The following TRHDE variants were observed in gnomAD, a reference collection of about 807,000 sequenced individuals.
TRHDE encodes thyrotropin releasing hormone degrading enzyme.
Under a neutral mutation model 125.7 loss-of-function variants are expected in TRHDE, and 72 were observed. The observed-to-expected ratio is 0.57, with a 90% CI of 0.47 to 0.70. The LOEUF (loss-of-function observed/expected upper bound fraction) is 0.70. TRHDE is among the 30% of genes least tolerant of loss of function. TRHDE has a pLI of 0.00. For missense variants in TRHDE, 1,110 were observed against 1,327.1 expected, an observed-to-expected ratio of 0.84 and a Z score of 2.54; for synonymous variants, 509 against 509.1, an observed-to-expected ratio of 1.00 and a Z score of 0.00.
At chr12:72,653,453 T>C (rs1200452787) in intron 17 of TRHDE, among the ~76,000 whole-genome samples, 5 of 152,120 alleles carry the variant, frequency 3.3e-5, no homozygotes, top group African/African-American at 1.2e-4. Context: ...AGACACTGTA[T>C]CATAAAACCC....
chr12:72,109,685 G>A (rs1331639147), intron 2 of TRHDE, among the ~76,000 whole-genome samples: 2 of 151,986 alleles, frequency 1.3e-5, no homozygotes, highest in Non-Finnish European at 1.5e-5. Flanking sequence ...TCATTTCTAG[G>A]GGAGATATTT....
rs368711689 is a variant in TRHDE, at chr12:72,668,280, T to A, written c.*5085T>A. On this transcript the variant is annotated 3_prime_UTR_variant, in exon 19 of 19. Transcript: ENST00000261180. ...GTTTAGGTAAGGAAAGTTTTTAAAC[T>A]GTCTTAAATATTTAATAAAAGCAGT... is the stretch of plus-strand genomic sequence containing the variant. 2.6e-5 allele frequency: 4 copies of A among 151,798 alleles called. No individual in the cohort carries two copies. The East Asian group carries it at 5.8e-4, about 22-fold the overall frequency. 9.4% of individuals were successfully genotyped at this position (151,798 alleles called of 1,614,324 possible). A position where few individuals can be genotyped will look rare whatever the true frequency, so the allele number is the denominator to read the frequency against.
At chr12:72,128,950 A>G (rs575811641) in intron 2 of TRHDE, among the ~76,000 whole-genome samples, 1 of 152,328 alleles carries the variant, frequency 6.6e-6, no homozygotes, top group East Asian at 1.9e-4. Flanking sequence ...AACGCTAGTG[A>G]AAGAAAGAGG....
At chr12:72,087,773 T>C (rs995292829) in intron 1 of TRHDE, among the ~76,000 whole-genome samples, 1 of 151,868 alleles carries the variant, frequency 6.6e-6, no homozygotes, top group Non-Finnish European at 1.5e-5. Flanking sequence ...AAAGACAATA[T>C]GAAAAAAATA....
chr12:72,170,045 C>T (rs1566263276), intron 2 of TRHDE, among the ~76,000 whole-genome samples: 3 of 152,088 alleles, frequency 2.0e-5, no homozygotes, highest in Admixed American at 6.6e-5. Flanking sequence ...TAAATAGGAA[C>T]GGTATGGGCT....
chr12:72,100,832 C>G (rs1211719409), intron 1 of TRHDE, among the ~76,000 whole-genome samples: 1 of 152,122 alleles, frequency 6.6e-6, no homozygotes, highest in Non-Finnish European at 1.5e-5. Flanking sequence ...ACATATATGA[C>G]AGGGTTATGT....
chr12:72,514,706 A>G (rs1878755639), intron 6 of TRHDE, among the ~76,000 whole-genome samples: 2 of 151,556 alleles, frequency 1.3e-5, no homozygotes, highest in South Asian at 4.2e-4. Context: ...TTACACATGT[A>G]TACATGTGCC....
chr12:72,172,624 A>T (rs1034293117), intron 2 of TRHDE, among the ~76,000 whole-genome samples: 3 of 152,180 alleles, frequency 2.0e-5, no homozygotes, highest in Admixed American at 2.0e-4. Flanking sequence ...GGTGGGAAAT[A>T]TCAAAGAAGG....
At chr12:72,386,080 C>T (rs756320141) in intron 3 of TRHDE, among the ~76,000 whole-genome samples, 3 of 152,164 alleles carry the variant, frequency 2.0e-5, no homozygotes, top group Admixed American at 6.5e-5. Flanking sequence ...TATTATTTTG[C>T]TAGCTTGACA....
chr12:72,197,795 T>C (rs1431147168), intron 2 of TRHDE, among the ~76,000 whole-genome samples: 2 of 152,110 alleles, frequency 1.3e-5, no homozygotes, highest in Non-Finnish European at 2.9e-5. Context: ...GGATTAATAA[T>C]TACCTCCTCA....
Position 72,575,389 on chromosome 12 carries a change from G to A in TRHDE, c.2265+1G>A. On this transcript the variant is annotated splice_donor_variant, in intron 11 of 18. Coordinates refer to ENST00000261180, the MANE Select transcript of TRHDE (RefSeq NM_013381.3). LOFTEE classifies it high-confidence loss of function. ...TGATCAATTAATCCGGAATCATGAG[G>A]TACACTCCAGATTTGCTTATCAAAG... is the stretch of plus-strand genomic sequence containing the variant. The A allele has an allele frequency of 1.2e-6, 2 of 1,613,502 alleles. No individual in the cohort carries two copies. The highest frequency in any genetic ancestry group is 8.5e-7 in the Non-Finnish European group (1 of 1,179,684).
At chr12:72,539,768 T>C (rs1869050003) in intron 6 of TRHDE, among the ~76,000 whole-genome samples, 1 of 151,894 alleles carries the variant, frequency 6.6e-6, no homozygotes, top group South Asian at 2.1e-4. Context: ...GATATCCTAA[T>C]ATATCCTTGA....
chr12:72,448,584 C>T (rs1175414846), intron 3 of TRHDE, among the ~76,000 whole-genome samples: 1 of 151,874 alleles, frequency 6.6e-6, no homozygotes, highest in African/African-American at 2.4e-5. Context: ...ATTCATTTGA[C>T]TATTTTAGAA....
chr12:72,561,956 TA>T (rs1870198424), intron 7 of TRHDE, among the ~76,000 whole-genome samples: 1 of 152,186 alleles, frequency 6.6e-6, no homozygotes, highest in Non-Finnish European at 1.5e-5. Flanking sequence ...AAATGATTTT[TA>T]AGAGATTAAT....
At chr12:72,409,367 A>T (rs910345104) in intron 3 of TRHDE, among the ~76,000 whole-genome samples, 1 of 152,228 alleles carries the variant, frequency 6.6e-6, no homozygotes, top group Non-Finnish European at 1.5e-5. Flanking sequence ...ATCTAATAGA[A>T]ATAGAAACAC....
intron 4 of TRHDE, among the ~76,000 whole-genome samples, chr12:72,472,843 T>G (rs754526071): frequency 2.0e-5 from 3 of 152,208 alleles, no homozygotes; most frequent in African/African-American, 4.8e-5. Context: ...GTTCATTGAT[T>G]ATTCTTTTTT....
At chr12:72,146,645 A>G (rs1049141996) in intron 2 of TRHDE, among the ~76,000 whole-genome samples, 2 of 152,166 alleles carry the variant, frequency 1.3e-5, no homozygotes, top group Admixed American at 6.5e-5. Flanking sequence ...AGGCCTCGGC[A>G]AGTGCTCCTG....
chr12:72,440,446 T>C (rs182487904), intron 3 of TRHDE, among the ~76,000 whole-genome samples: 1 of 152,074 alleles, frequency 6.6e-6, no homozygotes, highest in African/African-American at 2.4e-5. Context: ...AAGAATAAAT[T>C]GGCATCTGAG....
chr12:72,293,788 T>A (rs1880181748), intron 2 of TRHDE, among the ~76,000 whole-genome samples: 1 of 152,204 alleles, frequency 6.6e-6, no homozygotes, highest in African/African-American at 2.4e-5. Context: ...GAGTTTTGCT[T>A]GTGCCAGCTG....
Sources: allele counts gnomAD v4.1 joint callset (sites outside exome capture counted in the v4.1 genomes callset), GRCh38; gene constraint gnomAD v4.1.1; transcripts MANE v1.5; gene names NCBI Gene and HGNC (gene_info 2026-07-23, HGNC 2026-07-21).